The following ARFGAP3 variants were observed in gnomAD, a reference collection of about 807,000 sequenced individuals.
ARFGAP3 encodes ADP-ribosylation factor GTPase-activating protein 3.
ARFGAP3 carries 72 observed loss-of-function variants against 75.0 expected under a neutral mutation model. That is an observed-to-expected ratio of 0.96 (90% CI 0.79 to 1.17). The LOEUF is 1.17. Among genes scored for constraint, ARFGAP3 ranks in the 50% most tolerant of loss-of-function variants. The probability of loss-of-function intolerance (pLI) is 0.00; values close to 1 mark genes in which losing one functional copy is unlikely to be tolerated. For synonymous variants in ARFGAP3, 221 were observed against 217.9 expected, an observed-to-expected ratio of 1.01 and a Z score of -0.13; for missense variants, 620 against 626.6, an observed-to-expected ratio of 0.99 and a Z score of 0.11.
Position 42,810,828 on chromosome 22 carries a change from G to A in ARFGAP3, c.1181C>T (p.Thr394Ile). ...SKDTETVLKT[T>I]GYSDRPTARR... ...GCATTCATACCTGTCTGAATAGCCT[G>A]TGGTTTTCAGAACTGTTTCAGTATC... Residue 394 changes from threonine (T) to isoleucine (I), a missense_variant, in exon 12 of 16, where the codon ACA becomes ATA. Transcript: ENST00000263245. 1 of 1,614,028 alleles carries A rather than the reference G, an allele frequency of 6.2e-7. No homozygotes were observed. Among genetic ancestry groups the A allele is most frequent in the Middle Eastern group, 1.7e-4 (1 of 6,052 alleles).
intron 8 of ARFGAP3, among the ~76,000 whole-genome samples, chr22:42,823,270 AC>A (rs1229764467): frequency 6.6e-6 from 1 of 152,080 alleles, no homozygotes; most frequent in East Asian, 1.9e-4. Flanking sequence ...CAGGATTCAA[AC>A]CCTGCACCTG....
chr22:42,839,003 G>A (rs868212814), intron 3 of ARFGAP3, among the ~76,000 whole-genome samples: 24 of 151,144 alleles, frequency 1.6e-4, no homozygotes, highest in African/African-American at 4.9e-4. Context: ...CCAGCTACTC[G>A]GGAGGCTGAG....
intron 9 of ARFGAP3, among the ~76,000 whole-genome samples, chr22:42,819,594 C>T (rs2146544096): frequency 6.6e-6 from 1 of 152,284 alleles, no homozygotes; most frequent in African/African-American, 2.4e-5. Context: ...CGGAGCAGCT[C>T]AAGGCAGCTC....
At chr22:42,839,778 T>C (rs1926698861) in intron 3 of ARFGAP3, among the ~76,000 whole-genome samples, 1 of 152,196 alleles carries the variant, frequency 6.6e-6, no homozygotes, top group Admixed American at 6.5e-5. Context: ...CTTAAAGCAC[T>C]TATCACTGCC....
intron 1 of ARFGAP3, among the ~76,000 whole-genome samples, chr22:42,856,857 G>T (rs1424923456): frequency 2.0e-5 from 3 of 151,522 alleles, no homozygotes. Context: ...GCTCGCCGGG[G>T]GGTGTGCCCG....
chr22:42,832,007 G>A (rs961303859), intron 5 of ARFGAP3, among the ~76,000 whole-genome samples: 3 of 151,680 alleles, frequency 2.0e-5, no homozygotes, highest in South Asian at 4.2e-4. Context: ...CGTCTCAAAC[G>A]CCTGGGCTCA....
intron 1 of ARFGAP3, among the ~76,000 whole-genome samples, chr22:42,849,595 G>A (rs1012014786): frequency 4.9e-5 from 7 of 141,826 alleles, no homozygotes; most frequent in African/African-American, 1.9e-4. Flanking sequence ...ACAAGGTCTG[G>A]CTCTGTCACC....
intron 14 of ARFGAP3, among the ~76,000 whole-genome samples, chr22:42,806,023 G>A (rs1383158703): frequency 1.3e-5 from 2 of 152,204 alleles, no homozygotes; most frequent in Non-Finnish European, 2.9e-5. Flanking sequence ...GACCTCTCTC[G>A]AGCTGTTTCT....
intron 7 of ARFGAP3, among the ~76,000 whole-genome samples, chr22:42,825,664 G>A (rs1459279064): frequency 6.2e-5 from 9 of 144,702 alleles, no homozygotes; most frequent in African/African-American, 2.1e-4. Context: ...CAGCCTGGGT[G>A]ACAGAGTGAG....
In ARFGAP3 at chr22:42,797,352, C is replaced by G; in HGVS notation, c.*236G>C. On this transcript the variant is annotated 3_prime_UTR_variant, in exon 16 of 16. Transcript: ENST00000263245. ...CAAGAAAATAAAGCAAGGATATACA[C>G]AGAGACGCCAAAGGAGGGTGTGACA... is the stretch of plus-strand genomic sequence containing the variant. The G allele has an allele frequency of 6.8e-6, 4 of 592,318 alleles. No homozygotes were observed. Among genetic ancestry groups the G allele is most frequent in the South Asian group, 4.2e-5 (2 of 48,120 alleles). 36.7% of individuals were successfully genotyped at this position (592,318 alleles called of 1,614,324 possible). A position where few individuals can be genotyped will look rare whatever the true frequency, so the allele number is the denominator to read the frequency against.
Position 42,798,424 on chromosome 22 carries a change from C to T in ARFGAP3, c.1533+615G>A, listed in dbSNP as rs572821578. 8.1e-4 allele frequency among the ~76,000 whole-genome samples: 124 copies of T among 152,322 alleles called. 1 individual carries two copies. Among genetic ancestry groups the T allele is most frequent in the African/African-American group, 2.9e-3 (120 of 41,564 alleles). Reference sequence around the variant, plus strand: ...ATACAATCCTTCTTCAATAGCCTGACGTAAACAAGAAGGTGCAAAGAAACG... The same window carrying T: ...ATACAATCCTTCTTCAATAGCCTGATGTAAACAAGAAGGTGCAAAGAAACG... On this transcript the variant is annotated intron_variant, in intron 15 of 15. Coordinates refer to ENST00000263245, the MANE Select transcript of ARFGAP3 (RefSeq NM_014570.5).
At chr22:42,815,933 C>T (rs890568791) in intron 11 of ARFGAP3, among the ~76,000 whole-genome samples, 9 of 152,028 alleles carry the variant, frequency 5.9e-5, no homozygotes, top group African/African-American at 1.9e-4. Context: ...GCCAACATGG[C>T]GAAACTCCAT....
In ARFGAP3 at chr22:42,817,870, C is replaced by A; in HGVS notation, c.813-13G>T. The A allele has an allele frequency of 1.3e-6, 2 of 1,574,920 alleles. No individual in the cohort carries two copies. The highest frequency in any genetic ancestry group is 1.2e-5 in the South Asian group (1 of 85,744). On this transcript the variant is annotated splice_polypyrimidine_tract_variant and intron_variant, in intron 9 of 15. Transcript: ENST00000263245. ...TAATGATGAAACACTGCCAGAAAAA[C>A]CAAATACTCCTTAATTTAGCTTTAA...
At chr22:42,797,728 G>A (rs971871863) in intron 15 of ARFGAP3, 123 bp from the exon 16 acceptor site, 5 of 1,594,974 alleles carry the variant, frequency 3.1e-6, no homozygotes, top group African/African-American at 1.3e-5. Flanking sequence ...TGACATGGAC[G>A]CTGCACCCCG....
chr22:42,828,071 G>A (rs914027570), intron 6 of ARFGAP3, among the ~76,000 whole-genome samples: 5 of 151,740 alleles, frequency 3.3e-5, no homozygotes, highest in Non-Finnish European at 5.9e-5. Flanking sequence ...GATCACTTGA[G>A]GTCAGGAGTT....
intron 2 of ARFGAP3, among the ~76,000 whole-genome samples, chr22:42,845,392 G>C (rs1926967945): frequency 6.6e-6 from 1 of 152,102 alleles, no homozygotes; most frequent in Non-Finnish European, 1.5e-5. Context: ...GGACGTGGTG[G>C]CACATGCCTG....
chr22:42,849,636 T>TCA (rs1169148647), intron 1 of ARFGAP3, among the ~76,000 whole-genome samples: 2 of 150,278 alleles, frequency 1.3e-5, no homozygotes, highest in African/African-American at 4.9e-5. Flanking sequence ...CGGTCCTAGC[T>TCA]CACTGCAGTC....
Position 42,807,058 on chromosome 22 carries a change from T to C in ARFGAP3, c.1411+15A>G. ...TAGACATGACAGAGACCAGCTCTTG[T>C]TCAGTGCCCCCTACCTGCTGGCTGC... is the stretch of plus-strand genomic sequence containing the variant. On this transcript the variant is annotated intron_variant, in intron 14 of 15. Transcript: ENST00000263245. 1 of 1,600,042 alleles carries C rather than the reference T, an allele frequency of 6.2e-7. No individual in the cohort carries two copies. Among genetic ancestry groups the C allele is most frequent in the Non-Finnish European group, 8.5e-7 (1 of 1,173,634 alleles).
At chr22:42,798,589 A>T (rs140719566) in intron 15 of ARFGAP3, among the ~76,000 whole-genome samples, 1 of 152,396 alleles carries the variant, frequency 6.6e-6, no homozygotes, top group African/African-American at 2.4e-5. Context: ...ACAGAGAAAA[A>T]GCAAGATATA....
Sources: allele counts gnomAD v4.1 joint callset (sites outside exome capture counted in the v4.1 genomes callset), GRCh38; gene constraint gnomAD v4.1.1; transcripts MANE v1.5; gene names NCBI Gene and HGNC (gene_info 2026-07-23, HGNC 2026-07-21).